The following PAK5 variants were observed in gnomAD, a reference collection of about 807,000 sequenced individuals.
PAK5 encodes serine/threonine-protein kinase PAK 5.
PAK5 carries 16 observed loss-of-function variants against 65.9 expected under a neutral mutation model. That is an observed-to-expected ratio of 0.24 (90% CI 0.16 to 0.37). The LOEUF is 0.37. Ranked by LOEUF, PAK5 falls within the 10% of genes least tolerant of loss-of-function variation. The pLI is 1.00. For missense variants in PAK5, 785 were observed against 903.9 expected (o/e 0.87, Z 1.69); for synonymous variants, 371 against 354.9 (o/e 1.05, Z -0.51).
chr20:9,814,478 T>A (rs2049333114), intron 1 of PAK5, among the ~76,000 whole-genome samples: 1 of 152,130 alleles, frequency 6.6e-6, no homozygotes, highest in East Asian at 1.9e-4. Flanking sequence ...AATTGCAAGA[T>A]GCACCATTAT....
intron 1 of PAK5, among the ~76,000 whole-genome samples, chr20:9,791,023 C>T (rs1379316223): frequency 6.6e-6 from 1 of 152,138 alleles, no homozygotes; most frequent in African/African-American, 2.4e-5. Flanking sequence ...ACTTCATAGA[C>T]ATCAGCTTTC....
At chr20:9,739,514 A>C (rs1033577049) in intron 1 of PAK5, among the ~76,000 whole-genome samples, 2 of 152,150 alleles carry the variant, frequency 1.3e-5, no homozygotes, top group Non-Finnish European at 2.9e-5. Context: ...AGAAACAGGT[A>C]CACTAAATTA....
intron 3 of PAK5, among the ~76,000 whole-genome samples, chr20:9,616,975 G>C (rs1179957739): frequency 6.6e-6 from 1 of 152,216 alleles, no homozygotes; most frequent in African/African-American, 2.4e-5. Context: ...ATTGCAAAAA[G>C]CTGGACTATT....
chr20:9,572,122 T>TA (rs1179715819), intron 4 of PAK5, among the ~76,000 whole-genome samples: 5 of 149,916 alleles, frequency 3.3e-5, no homozygotes, highest in East Asian at 3.9e-4. Flanking sequence ...AGAAATGAGC[T>TA]AAAAAAAAGA....
chr20:9,665,193 T>C (rs1285447820), intron 2 of PAK5, among the ~76,000 whole-genome samples: 11 of 147,868 alleles, frequency 7.4e-5, no homozygotes, highest in Non-Finnish European at 1.3e-4. Flanking sequence ...GTGTTGAAAT[T>C]ATAGGCATGA....
rs2045195747 is a variant in PAK5 at position 9,537,883 on chromosome 20, T to C, written c.*1579A>G. On this transcript the variant is annotated 3_prime_UTR_variant, in exon 10 of 10. Coordinates refer to ENST00000353224, the MANE Select transcript of PAK5 (RefSeq NM_177990.4). ...GGTCATTTTATGCCTTTTTTCCTTTTTAGCAGTGATAAATAATTAGCAACC... is the reference window on the plus strand; with the variant it reads ...GGTCATTTTATGCCTTTTTTCCTTTCTAGCAGTGATAAATAATTAGCAACC... 2 of 228,874 alleles carry C rather than the reference T, an allele frequency of 8.7e-6. No homozygotes were observed. The highest frequency in any genetic ancestry group is 1.7e-5 in the Non-Finnish European group (2 of 115,278). The allele number at this position is 228,874 out of a possible 1,614,324, so 14.2% of individuals were successfully genotyped here.
chr20:9,729,029 C>A (rs762060101), intron 1 of PAK5, among the ~76,000 whole-genome samples: 9 of 152,014 alleles, frequency 5.9e-5, no homozygotes, highest in Non-Finnish European at 1.2e-4. Context: ...AATATTTATA[C>A]CATTTTTTTG....
intron 2 of PAK5, among the ~76,000 whole-genome samples, chr20:9,650,030 G>A (rs532936787): frequency 1.3e-5 from 2 of 152,280 alleles, no homozygotes; most frequent in East Asian, 3.9e-4. Flanking sequence ...TTGAATACTA[G>A]TCCAGCCCCC....
In PAK5 at chr20:9,760,673, CTTTT is replaced by C. The variant is rs5840332; in HGVS notation, c.-161-49242_-161-49239del. 3.1e-4 allele frequency among the ~76,000 whole-genome samples: 38 copies of C among 122,796 alleles called. 1 individual carries two copies. The highest frequency in any genetic ancestry group is 9.8e-4 in the African/African-American group (32 of 32,626). The allele number at this position is 122,796 out of a possible 152,430, so 80.6% of individuals were successfully genotyped here. A position where few individuals can be genotyped will look rare whatever the true frequency, so the allele number is the denominator to read the frequency against. On this transcript the variant is annotated intron_variant, in intron 1 of 9. Transcript: ENST00000353224. ...ACATTTATCTTTTTTCTTTTCTTTT[CTTTT>C]TTTTTTTTTTTTTAGACAGAGTATT...
rs199678661 is a variant in PAK5, at chr20:9,565,995, G to C, written c.1380C>G (p.Thr460=). The change falls in exon 5 of 10, where the codon ACC becomes ACG. Residue 460 remains threonine, a synonymous_variant. Coordinates refer to ENST00000353224, the MANE Select transcript of PAK5 (RefSeq NM_177990.4). ...ANFIKIGEGS[T]GIVCIATEKH... ...TCTCGGTGGCGATGCATACGATGCC[G>C]GTTGAGCCTTCCCCGATTTTGATAA... The C allele has an allele frequency of 6.2e-5, 97 of 1,575,602 alleles. No individual in the cohort carries two copies. Among genetic ancestry groups the C allele is most frequent in the Admixed American group, 1.1e-4 (6 of 56,244 alleles).
At chr20:9,554,129 C>G (rs1030225188) in intron 7 of PAK5, among the ~76,000 whole-genome samples, 2 of 152,312 alleles carry the variant, frequency 1.3e-5, no homozygotes, top group Non-Finnish European at 2.9e-5. Flanking sequence ...GTGTGGCAGA[C>G]AGTATTTTCC....
At chr20:9,542,851 T>A (rs745767247) in intron 8 of PAK5, 131 bp from the exon 9 acceptor site, 4 of 812,860 alleles carry the variant, frequency 4.9e-6, no homozygotes, top group African/African-American at 1.7e-5. Flanking sequence ...ACAATATAGA[T>A]TTATAGGCTA....
At position 9,557,715 on chromosome 20, in the gene PAK5, C is replaced by A; in HGVS notation, c.1636G>T (p.Ala546Ser). Residue 546 changes from alanine to serine, a missense_variant, in exon 7 of 10, where the codon GCT becomes TCT. Around this residue, in one of 4 missense-constraint regions of PAK5, gnomAD observed 182 missense variants for 273.0 expected, o/e 0.67. Coordinates refer to ENST00000353224, the MANE Select transcript of PAK5 (RefSeq NM_177990.4). Reference sequence around the variant, plus strand: ...CTCAGAACTGACAGGCAGACAGTAGCTATCTGTTCTTCATTCATTCTGGAA... The same window carrying A: ...CTCAGAACTGACAGGCAGACAGTAGATATCTGTTCTTCATTCATTCTGGAA... ...THTRMNEEQI[A>S]TVCLSVLRAL... 1 of 1,611,488 alleles carries A rather than the reference C, an allele frequency of 6.2e-7. No homozygotes were observed. Among genetic ancestry groups the A allele is most frequent in the Non-Finnish European group, 8.5e-7 (1 of 1,177,884 alleles).
At chr20:9,721,732 T>TTGTG (rs1173558986) in intron 1 of PAK5, among the ~76,000 whole-genome samples, 2 of 150,410 alleles carry the variant, frequency 1.3e-5, no homozygotes, top group South Asian at 4.2e-4. Flanking sequence ...TTCATAGTTT[T>TTGTG]TGTGTGTGTG....
intron 3 of PAK5, among the ~76,000 whole-genome samples, chr20:9,633,594 TAA>T (rs1365654454): frequency 6.6e-6 from 1 of 152,226 alleles, no homozygotes; most frequent in South Asian, 2.1e-4. Flanking sequence ...GCCTGTTGCC[TAA>T]GAGATTTCAA....
intron 3 of PAK5, among the ~76,000 whole-genome samples, chr20:9,606,761 T>C (rs1012565445): frequency 1.2e-4 from 18 of 152,118 alleles, no homozygotes; most frequent in African/African-American, 4.3e-4. Flanking sequence ...TGTGTTTCCT[T>C]TGTGAAAATG....
rs1422623871 is a variant in PAK5, at chr20:9,711,327, GTGTGGCTATTTCTAT to G, written c.-68_-54del. On this transcript the variant is annotated 5_prime_UTR_variant, in exon 2 of 10. An upstream open reading frame in the 5' UTR loses its in-frame stop. Transcript: ENST00000353224. The stretch of plus-strand genomic sequence containing the variant: ...TGGATGAATTAAAGACTCCAGAGGA[GTGTGGCTATTTCTAT>G]TCTGCAACTTTTCGCTGGTGCTTGT... The G allele has an allele frequency of 2.1e-4, 32 of 152,152 alleles. No individual in the cohort carries two copies. Among genetic ancestry groups the G allele is most frequent in the Admixed American group, 2.1e-3 (32 of 15,264 alleles). The allele number at this position is 152,152 out of a possible 1,614,324, so 9.4% of individuals were successfully genotyped here. A position where few individuals can be genotyped will look rare whatever the true frequency, so the allele number is the denominator to read the frequency against.
chr20:9,628,740 C>T (rs2046881099), intron 3 of PAK5, among the ~76,000 whole-genome samples: 1 of 152,140 alleles, frequency 6.6e-6, no homozygotes, highest in South Asian at 2.1e-4. Flanking sequence ...CAGTCCACCC[C>T]AGAGGCCACC....
intron 3 of PAK5, among the ~76,000 whole-genome samples, chr20:9,587,417 G>A (rs976905028): frequency 2.0e-5 from 3 of 152,056 alleles, no homozygotes; most frequent in Non-Finnish European, 4.4e-5. Flanking sequence ...TTAACAATCA[G>A]CATTCTATAG....
Sources: allele counts gnomAD v4.1 joint callset (sites outside exome capture counted in the v4.1 genomes callset), GRCh38; gene constraint gnomAD v4.1.1; regional missense constraint gnomAD v4.1.1; transcripts MANE v1.5; gene names NCBI Gene and HGNC (gene_info 2026-07-23, HGNC 2026-07-21).